The following ZFAT variants were observed in gnomAD, a reference collection of about 807,000 sequenced individuals.
ZFAT encodes zinc finger and AT-hook domain containing.
Under a neutral mutation model 117.7 loss-of-function variants are expected in ZFAT, and 64 were observed. The ratio of observed to expected loss-of-function variants is 0.54; its 90% CI spans 0.44 to 0.67. The LOEUF (loss-of-function observed/expected upper bound fraction) is 0.67. Ranked by LOEUF, ZFAT falls within the 30% of genes least tolerant of loss-of-function variation. The probability of loss-of-function intolerance (pLI) is 0.00; values close to 1 mark genes in which losing one functional copy is unlikely to be tolerated. For missense variants in ZFAT, 1,433 were observed against 1,584.5 expected (o/e 0.90, Z 1.62); for synonymous variants, 679 against 615.0 (o/e 1.10, Z -1.54).
At chr8:134,752,123 C>T in the ZFAT span, among the ~76,000 whole-genome samples, 2 of 152,168 alleles carry the variant, frequency 1.3e-5, no homozygotes, top group African/African-American at 4.8e-5. Flanking sequence ...TAGTGCTTTG[C>T]ATTCTTTCAG....
At chr8:134,672,940 A>G (rs1353137741) in intron 1 of ZFAT, among the ~76,000 whole-genome samples, 2 of 152,208 alleles carry the variant, frequency 1.3e-5, no homozygotes, top group Non-Finnish European at 2.9e-5. Context: ...TCAAAAAGAA[A>G]GAAGAAGGGA....
intron 11 of ZFAT, among the ~76,000 whole-genome samples, chr8:134,559,084 A>G (rs1388022165): frequency 6.6e-6 from 1 of 152,206 alleles, no homozygotes; most frequent in Non-Finnish European, 1.5e-5. Flanking sequence ...TTCTAGGATA[A>G]TATTCTTATT....
intron 11 of ZFAT, among the ~76,000 whole-genome samples, chr8:134,551,597 T>C (rs551338603): frequency 6.6e-6 from 1 of 152,252 alleles, no homozygotes; most frequent in Non-Finnish European, 1.5e-5. Flanking sequence ...GCTGAGACTC[T>C]GAGACGATTA....
At chr8:134,725,092 C>A in the ZFAT span, among the ~76,000 whole-genome samples, 1 of 152,192 alleles carries the variant, frequency 6.6e-6, no homozygotes, top group Non-Finnish European at 1.5e-5. Context: ...TGGAGGTAAC[C>A]TCCACAGAGA....
At chr8:134,666,736 GA>G (rs1192418448) in intron 1 of ZFAT, among the ~76,000 whole-genome samples, 1 of 152,108 alleles carries the variant, frequency 6.6e-6, no homozygotes, top group African/African-American at 2.4e-5. Context: ...GATTGAAAAA[GA>G]AAAGAACAGT....
At chr8:134,735,437 A>T in the ZFAT span, among the ~76,000 whole-genome samples, 1 of 152,228 alleles carries the variant, frequency 6.6e-6, no homozygotes, top group African/African-American at 2.4e-5. Context: ...TCAAATGAAG[A>T]TTTCCTTTTA....
At chr8:134,599,376 T>C (rs1741490298) in intron 7 of ZFAT, 1 of 196,236 alleles carries the variant, frequency 5.1e-6, no homozygotes, top group South Asian at 8.8e-5. Context: ...TACATGTATA[T>C]ACACATCTGT....
chr8:134,533,818 G>A (rs536070324), intron 11 of ZFAT, among the ~76,000 whole-genome samples: 2 of 152,332 alleles, frequency 1.3e-5, no homozygotes, highest in South Asian at 4.1e-4. Flanking sequence ...GGCCCCTGGG[G>A]AAGCTCAGTG....
chr8:134,621,768 A>G (rs2131023473), intron 3 of ZFAT, among the ~76,000 whole-genome samples: 1 of 152,214 alleles, frequency 6.6e-6, no homozygotes, highest in East Asian at 1.9e-4. Flanking sequence ...GTATTCTTCT[A>G]GTCCCAGCCA....
intron 1 of ZFAT, among the ~76,000 whole-genome samples, chr8:134,706,031 G>C (rs938583763): frequency 1.3e-5 from 2 of 152,220 alleles, no homozygotes; most frequent in Middle Eastern, 3.2e-3. Context: ...TGAGGACAGA[G>C]AGCAAGCAGA....
At chr8:134,611,456 CA>C (rs1359138652) in intron 3 of ZFAT, among the ~76,000 whole-genome samples, 2 of 152,168 alleles carry the variant, frequency 1.3e-5, no homozygotes, top group African/African-American at 2.4e-5. Context: ...GAAATAAAAC[CA>C]GGGGAGGGCG....
chr8:134,537,552 C>CA (rs1160159730), intron 11 of ZFAT, among the ~76,000 whole-genome samples: 2 of 152,118 alleles, frequency 1.3e-5, no homozygotes. Flanking sequence ...TCGATACCAG[C>CA]CAGTGTGCTG....
chr8:134,799,158 G>A, the ZFAT span, among the ~76,000 whole-genome samples: 4 of 152,078 alleles, frequency 2.6e-5, no homozygotes, highest in African/African-American at 4.8e-5. Context: ...TAGAAAAACA[G>A]CACTCACCTT....
At chr8:134,804,942 C>G in the ZFAT span, 1 of 533,342 alleles carries the variant, frequency 1.9e-6, no homozygotes, top group Non-Finnish European at 3.9e-6. Context: ...ATGTTTACAA[C>G]AACAGACTTT....
At chr8:134,605,538 A>G (rs1827820896) in intron 5 of ZFAT, among the ~76,000 whole-genome samples, 1 of 148,926 alleles carries the variant, frequency 6.7e-6, no homozygotes, top group African/African-American at 2.5e-5. Flanking sequence ...AGAGCCACAG[A>G]GCCAGACCCC....
In ZFAT at chr8:134,700,958, T is replaced by C. The variant is rs113628433; in HGVS notation, c.19+11887A>G. On this transcript the variant is annotated intron_variant, in intron 1 of 15. Transcript: ENST00000377838. The stretch of plus-strand genomic sequence containing the variant: ...CAGTCCCAAGTGCCCACACCAAGCT[T>C]CCGGTGCCTCTTCAGTCAGTGCCCT... Among the ~76,000 whole-genome samples the C allele has an allele frequency of 5.3e-3, 808 of 152,274 alleles. 13 individuals are homozygous for C. The highest frequency in any genetic ancestry group is 0.018 in the African/African-American group (763 of 41,548).
rs149911144 is a variant in ZFAT, at chr8:134,663,820, C to T, written c.20-6083G>A. 1.6e-4 allele frequency among the ~76,000 whole-genome samples: 25 copies of T among 152,254 alleles called. 1 individual carries two copies. The highest frequency in any genetic ancestry group is 5.5e-4 in the African/African-American group (23 of 41,546). ...TAAAAATCGGAAACACTGCTAGGCA[C>T]GGTAAAGGATAACACAGCAGACCCA... is the stretch of plus-strand genomic sequence containing the variant. On this transcript the variant is annotated intron_variant, in intron 1 of 15. Transcript: ENST00000377838.
chr8:134,627,506 A>G (rs1829596646), intron 3 of ZFAT, among the ~76,000 whole-genome samples: 1 of 152,222 alleles, frequency 6.6e-6, no homozygotes, highest in Non-Finnish European at 1.5e-5. Context: ...AGCAGGAGGA[A>G]AAAGAACTAA....
At position 134,478,719 on chromosome 8, in the gene ZFAT, G is replaced by T; in HGVS notation, c.3495C>A (p.Val1165=). ...APGTVTVVKQ[V]TEEEPSSNHT... ...GGTTGGAGCTGGGCTCCTCCTCGGTGACCTGCGGGAGGAGGGCAAGAGAAA... is the reference window on the plus strand; with the variant it reads ...GGTTGGAGCTGGGCTCCTCCTCGGTTACCTGCGGGAGGAGGGCAAGAGAAA... The change falls in exon 16 of 16, where the codon GTC becomes GTA. Residue 1165 remains valine (V), a splice_region_variant and synonymous_variant. Transcript: ENST00000377838. The surrounding 1 kb of genome is among the most constrained non-coding windows in gnomAD (Gnocchi z 5.2). 6.4e-7 allele frequency: 1 copy of T among 1,557,450 alleles called. No individual in the cohort carries two copies. The highest frequency in any genetic ancestry group is 8.7e-7 in the Non-Finnish European group (1 of 1,150,408).
Sources: gnomAD v4.1 joint callset for allele counts (sites outside exome capture counted in the v4.1 genomes callset) on GRCh38, gnomAD v4.1.1 for gene constraint, Gnocchi (gnomAD v3.1) non-coding constraint, MANE v1.5 for transcripts, NCBI Gene and HGNC (gene_info 2026-07-23, HGNC 2026-07-21) for gene names.